The following HOXB3 variants were observed in gnomAD, a reference collection of about 807,000 sequenced individuals.
The protein encoded by HOXB3 is homeobox protein Hox-B3.
In HOXB3, 17 loss-of-function variants were observed where a neutral mutation model predicts 29.2. The observed-to-expected ratio is 0.58, with a 90% CI of 0.40 to 0.87. The LOEUF is 0.87. Ranked by LOEUF, HOXB3 falls within the 40% of genes least tolerant of loss-of-function variation. The pLI, the probability that HOXB3 is intolerant of heterozygous loss-of-function variation, is 0.00. For synonymous variants in HOXB3, 317 were observed against 285.9 expected (o/e 1.11, Z -1.10); for missense variants, 637 against 616.3 (o/e 1.03, Z -0.35).
intron 1 of HOXB3, among the ~76,000 whole-genome samples, chr17:48,588,803 G>T (rs1458099548): frequency 3.9e-5 from 6 of 152,326 alleles, no homozygotes; most frequent in Non-Finnish European, 2.9e-5. Context: ...TGGATAGAGA[G>T]CTCAGGGAAT....
intron 3 of HOXB3, chr17:48,552,911 C>G (rs1237636301): frequency 1.2e-5 from 2 of 162,120 alleles, no homozygotes; most frequent in Non-Finnish European, 2.7e-5. Context: ...CTGACCTCCC[C>G]TAGTCCCTCT....
chr17:48,577,022 T>C (rs2144886539), intron 1 of HOXB3: 1 of 1,596,172 alleles, frequency 6.3e-7, no homozygotes, highest in Middle Eastern at 1.7e-4. Context: ...TGGGGTTTAC[T>C]GGACACACAC....
chr17:48,576,648 T>TGG, intron 1 of HOXB3: 2 of 529,860 alleles, frequency 3.8e-6, no homozygotes, highest in Non-Finnish European at 5.6e-6. Flanking sequence ...GGCCCCCTCC[T>TGG]GTCCCCCCAC....
chr17:48,589,016 G>C (rs890286135), intron 1 of HOXB3, among the ~76,000 whole-genome samples: 2 of 151,690 alleles, frequency 1.3e-5, no homozygotes, highest in African/African-American at 4.8e-5. Context: ...TGACAGGGTA[G>C]TTAGCCCCAC....
chr17:48,590,232 T>C lies in HOXB3; in HGVS notation c.-532A>G, dbSNP rs968123878. On this transcript the variant is annotated 5_prime_UTR_variant, in exon 1 of 5. Transcript: ENST00000498678. Reference sequence around the variant, plus strand: ...CCCCCTTCCCCACCACAGCGAGCAGTTAAAGTGTCACTTAACATTCTGGAG... The same window carrying C: ...CCCCCTTCCCCACCACAGCGAGCAGCTAAAGTGTCACTTAACATTCTGGAG... 3.9e-5 allele frequency: 6 copies of C among 152,166 alleles called. No individual in the cohort carries two copies. The highest frequency in any genetic ancestry group is 1.2e-4 in the African/African-American group (5 of 41,438). The allele number at this position is 152,166 out of a possible 1,614,324, so 9.4% of individuals were successfully genotyped here.
intron 1 of HOXB3, chr17:48,580,473 G>A (rs1164859275): frequency 1.3e-5 from 2 of 152,140 alleles, no homozygotes; most frequent in Non-Finnish European, 2.9e-5. Flanking sequence ...TGAAGGTGGT[G>A]TAATAAAAGT....
At chr17:48,589,298 T>G (rs1196093567) in intron 1 of HOXB3, among the ~76,000 whole-genome samples, 2 of 152,164 alleles carry the variant, frequency 1.3e-5, no homozygotes, top group Non-Finnish European at 2.9e-5. Flanking sequence ...TTGAGCTGAT[T>G]TTATTTGAGG....
chr17:48,551,208 G>A, intron 4 of HOXB3, 27 bp from the exon 5 acceptor site: 2 of 1,279,708 alleles, frequency 1.6e-6, no homozygotes, highest in Non-Finnish European at 2.0e-6. Flanking sequence ...GGGGTGGGAA[G>A]GGGAGAAAAT....
In HOXB3 at chr17:48,552,571, A is replaced by ACCCCCCCC. The variant is rs59742556; in HGVS notation, c.-105_-98dup. On this transcript the variant is annotated 5_prime_UTR_variant, in exon 4 of 5. The change creates a premature stop within an existing upstream ORF in the 5' untranslated region. Coordinates refer to ENST00000498678, the MANE Select transcript of HOXB3 (RefSeq NM_001384749.1). ...CCCTGGGGGTCACGTGACACGCCGG[A>ACCCCCCCC]CCCCCCCCCCCCACCTCCCCTCTCT... is the stretch of plus-strand genomic sequence containing the variant. 6 of 504,638 alleles carry ACCCCCCCC rather than the reference A, an allele frequency of 1.2e-5. No homozygotes were observed. The highest frequency in any genetic ancestry group is 3.7e-5 in the East Asian group (1 of 27,118). 31.3% of individuals were successfully genotyped at this position (504,638 alleles called of 1,614,324 possible).
At chr17:48,551,922 T>G in intron 4 of HOXB3, 105 bp downstream of exon 4, 2 of 1,074,414 alleles carry the variant, frequency 1.9e-6, no homozygotes, top group African/African-American at 1.6e-5. Flanking sequence ...CACCTAATAT[T>G]GTTCCCAGGC....
chr17:48,551,953 G>T (rs2068766203), intron 4 of HOXB3, 74 bp downstream of exon 4: 1 of 1,427,896 alleles, frequency 7.0e-7, no homozygotes, highest in African/African-American at 1.4e-5. Flanking sequence ...GCGCCTAGGG[G>T]CTGGGTGCTA....
chr17:48,586,027 C>T (rs563957451), intron 1 of HOXB3, among the ~76,000 whole-genome samples: 21 of 152,326 alleles, frequency 1.4e-4, no homozygotes, highest in African/African-American at 5.1e-4. Flanking sequence ...GCGACCAAAA[C>T]CAGCCGCTGT....
chr17:48,577,838 G>T, intron 1 of HOXB3: 1 of 1,393,284 alleles, frequency 7.2e-7, no homozygotes, highest in Non-Finnish European at 9.3e-7. Context: ...GGGGTGGGAG[G>T]GGGAAGGGGT....
At chr17:48,573,043 T>C (rs984110228) in intron 2 of HOXB3, among the ~76,000 whole-genome samples, 14 of 152,244 alleles carry the variant, frequency 9.2e-5, no homozygotes, top group African/African-American at 3.4e-4. Flanking sequence ...TCAGGTCGGC[T>C]GCAGAGCCCA....
At chr17:48,581,542 G>C (rs1401682693) in intron 1 of HOXB3, 1 of 152,180 alleles carries the variant, frequency 6.6e-6, no homozygotes, top group Non-Finnish European at 1.5e-5. Flanking sequence ...CCACTCCAAC[G>C]GTCCAGGCCC....
chr17:48,579,738 T>A (rs1479632944), intron 1 of HOXB3: 1 of 286,902 alleles, frequency 3.5e-6, no homozygotes, highest in Non-Finnish European at 7.0e-6. Context: ...GATAGAGGAA[T>A]AAAGAGGAAG....
intron 2 of HOXB3, among the ~76,000 whole-genome samples, chr17:48,568,517 C>G (rs975895924): frequency 5.3e-5 from 8 of 152,156 alleles, no homozygotes; most frequent in African/African-American, 1.9e-4. Flanking sequence ...CCGAGAGCGA[C>G]TCTCTCCCGG....
In HOXB3 at chr17:48,552,219, G is replaced by C. The variant is rs1422560849; in HGVS notation, c.256C>G (p.Pro86Ala). 2.5e-6 allele frequency: 4 copies of C among 1,612,786 alleles called. No homozygotes were observed. The highest frequency in any genetic ancestry group is 3.4e-6 in the Non-Finnish European group (4 of 1,179,724). Residue 86 changes from proline to alanine, a missense_variant, in exon 4 of 5, where the codon CCG becomes GCG. Pro to Ala is a conservative substitution (Grantham distance 27). Coordinates refer to ENST00000498678, the MANE Select transcript of HOXB3 (RefSeq NM_001384749.1). ...GCACTGGGCGGGGGTGAGCCAGGCG[G>C]GGCCGACAGGGGCTCGGGGGCCAGA... ...PGLAPEPLSA[P>A]PGSPPPSAAP...
At chr17:48,562,455 T>A (rs1597830339) in intron 2 of HOXB3, among the ~76,000 whole-genome samples, 1 of 152,126 alleles carries the variant, frequency 6.6e-6, no homozygotes, top group East Asian at 1.9e-4. Context: ...CAGCTGCACC[T>A]CAAAGCTTGC....
Sources: gnomAD v4.1 joint callset for allele counts (sites outside exome capture counted in the v4.1 genomes callset) on GRCh38, gnomAD v4.1.1 for gene constraint, MANE v1.5 for transcripts, NCBI Gene and HGNC (gene_info 2026-07-23, HGNC 2026-07-21) for gene names.